The following IMMT variants were observed in gnomAD, a reference collection of about 807,000 sequenced individuals.
The protein encoded by IMMT is MICOS complex subunit MIC60.
Under a neutral mutation model 92.7 loss-of-function variants are expected in IMMT, and 40 were observed. The ratio of observed to expected loss-of-function variants is 0.43; its 90% CI spans 0.34 to 0.56. The LOEUF is 0.56. Among genes scored for constraint, IMMT ranks in the 20% least tolerant of loss-of-function variants. The probability of loss-of-function intolerance (pLI) is 0.03; values close to 1 mark genes in which losing one functional copy is unlikely to be tolerated. For synonymous variants in IMMT, 322 were observed against 336.1 expected (o/e 0.96, Z 0.46); for missense variants, 831 against 912.1 (o/e 0.91, Z 1.14).
intron 12 of IMMT, among the ~76,000 whole-genome samples, chr2:86,148,626 A>G (rs1282674725): frequency 2.0e-5 from 3 of 152,154 alleles, no homozygotes; most frequent in Non-Finnish European, 4.4e-5. Flanking sequence ...AGAAAAAAGA[A>G]AAGAAAATTA....
At chr2:86,165,969 T>G (rs1275356845) in intron 7 of IMMT, among the ~76,000 whole-genome samples, 1 of 152,250 alleles carries the variant, frequency 6.6e-6, no homozygotes, top group Admixed American at 6.5e-5. Flanking sequence ...TTGTAAGATA[T>G]AGTAAAGCAC....
intron 6 of IMMT, 76 bp from the exon 7 acceptor site, chr2:86,166,720 T>A (rs978110360): frequency 7.3e-6 from 10 of 1,368,060 alleles, no homozygotes; most frequent in Admixed American, 2.7e-5. Context: ...TGTTCTCCTA[T>A]CTAGTCTTCC....
At chr2:86,156,464 C>T (rs1675862730) in intron 10 of IMMT, among the ~76,000 whole-genome samples, 1 of 151,792 alleles carries the variant, frequency 6.6e-6, no homozygotes, top group Non-Finnish European at 1.5e-5. Flanking sequence ...TGTGGTGGCA[C>T]ACGCCTGTAG....
Position 86,144,605 on chromosome 2 carries a change from A to G in IMMT, c.1940T>C (p.Met647Thr). 3 of 1,614,004 alleles carry G rather than the reference A, an allele frequency of 1.9e-6. No homozygotes were observed. The highest frequency in any genetic ancestry group is 2.5e-6 in the Non-Finnish European group (3 of 1,179,892). The change falls in exon 15 of 15, where the codon ATG becomes ACG. Residue 647 changes from methionine to threonine, a missense_variant. Transcript: ENST00000410111. ...AVQKLARRVAMIDETRNSLYQ... is the reference protein window; with the variant it reads ...AVQKLARRVATIDETRNSLYQ... ...CAAGCTATTTCTGGTTTCATCAATC[A>G]TTGCTACCCTTCGGGCCAGTTTTTG...
At chr2:86,150,035 T>C (rs1401540563) in intron 12 of IMMT, among the ~76,000 whole-genome samples, 3 of 152,170 alleles carry the variant, frequency 2.0e-5, no homozygotes, top group Non-Finnish European at 2.9e-5. Flanking sequence ...TATGAGTTGA[T>C]GGAGGAACAA....
chr2:86,166,658 A>C lies in IMMT; in HGVS notation c.656-14T>G. The C allele has an allele frequency of 1.3e-6, 2 of 1,578,250 alleles. No homozygotes were observed. The highest frequency in any genetic ancestry group is 1.7e-6 in the Non-Finnish European group (2 of 1,167,476). On this transcript the variant is annotated splice_polypyrimidine_tract_variant and intron_variant, in intron 6 of 14. Transcript: ENST00000410111. ...TCTTGGCTAGAGCTTAAAAAAAAAA[A>C]AGAACAGTTAAAAAACAAATCCTAC...
chr2:86,193,827 T>C (rs1231077627), intron 1 of IMMT, among the ~76,000 whole-genome samples: 3 of 152,224 alleles, frequency 2.0e-5, no homozygotes, highest in Admixed American at 6.5e-5. Context: ...CATTTTTTAT[T>C]ACCAAGTTTT....
At chr2:86,159,794 C>A (rs542128438) in intron 8 of IMMT, 123 bp from the exon 9 acceptor site, 1 of 765,804 alleles carries the variant, frequency 1.3e-6, no homozygotes, top group Non-Finnish European at 1.9e-6. Flanking sequence ...GTGGCTGATA[C>A]CTGTAATCCC....
At chr2:86,170,547 C>A (rs1418228964) in intron 6 of IMMT, among the ~76,000 whole-genome samples, 1 of 152,196 alleles carries the variant, frequency 6.6e-6, no homozygotes, top group East Asian at 1.9e-4. Flanking sequence ...ACCAACTATA[C>A]ACTAAGAATA....
At position 86,147,785 on chromosome 2, in the gene IMMT, G is replaced by A. The variant is rs752917023; in HGVS notation, c.1450C>T (p.Arg484Cys). 19 of 1,613,728 alleles carry A rather than the reference G, an allele frequency of 1.2e-5. No homozygotes were observed. The highest frequency in any genetic ancestry group is 3.3e-5 in the Admixed American group (2 of 59,990). ...TCAGTGTGGGCAGCTGCCTGTCGGC[G>A]AAGCTGGGTTCTCATTTCATTTTCC... is the stretch of plus-strand genomic sequence containing the variant. Reference protein sequence around the residue: ...AMENEMRTQLRRQAAAHTDHL... With the variant: ...AMENEMRTQLCRQAAAHTDHL... Residue 484 changes from arginine (R) to cysteine (C), a missense_variant, in exon 13 of 15, where the codon CGC becomes TGC. Coordinates refer to ENST00000410111, the MANE Select transcript of IMMT (RefSeq NM_006839.3).
chr2:86,170,953 G>A (rs1188534171), intron 5 of IMMT, 109 bp from the exon 6 acceptor site: 1 of 786,944 alleles, frequency 1.3e-6, no homozygotes, highest in Non-Finnish European at 2.0e-6. Context: ...ATCAATGCAG[G>A]GCATTTTTGT....
intron 1 of IMMT, among the ~76,000 whole-genome samples, chr2:86,182,942 T>C (rs1425789008): frequency 2.6e-5 from 4 of 152,082 alleles, no homozygotes; most frequent in African/African-American, 4.8e-5. Context: ...ACCTACCCTG[T>C]AGAATTCCCA....
chr2:86,186,632 G>A (rs1020600672), intron 1 of IMMT, among the ~76,000 whole-genome samples: 12 of 152,198 alleles, frequency 7.9e-5, no homozygotes, highest in Non-Finnish European at 1.5e-4. Flanking sequence ...AACAGTCCCT[G>A]CTGAGGTGTC....
chr2:86,177,805 T>C (rs889639600), intron 3 of IMMT, among the ~76,000 whole-genome samples: 1 of 152,170 alleles, frequency 6.6e-6, no homozygotes, highest in Non-Finnish European at 1.5e-5. Flanking sequence ...GTTTTTATAG[T>C]GTTCTAAGTA....
intron 2 of IMMT, among the ~76,000 whole-genome samples, chr2:86,180,371 T>C (rs941612029): frequency 6.6e-6 from 1 of 151,758 alleles, no homozygotes; most frequent in African/African-American, 2.4e-5. Context: ...GTTCAAGTGA[T>C]TCTCCTGCCT....
Position 86,144,446 on chromosome 2 carries a change from T to A in IMMT, c.2099A>T (p.His700Leu), listed in dbSNP as rs770823699. 6.2e-7 allele frequency: 1 copy of A among 1,614,018 alleles called. No homozygotes were observed. The highest frequency in any genetic ancestry group is 1.7e-5 in the Admixed American group (1 of 60,016). Residue 700 changes from histidine (H) to leucine (L), a missense_variant, in exon 15 of 15, where the codon CAT (histidine) becomes CTT (leucine). Physicochemically the swap from His to Leu is moderately conservative, Grantham distance 99. Coordinates refer to ENST00000410111, the MANE Select transcript of IMMT (RefSeq NM_006839.3). ...LLSYASYCIE[H>L]GDLELAAKFV... is the part of the protein sequence containing the mutation. Reference sequence around the variant, plus strand: ...CTTTGCTGCTAGCTCCAGATCACCATGCTCAATGCAATAGGAAGCATATGA... The same window carrying A: ...CTTTGCTGCTAGCTCCAGATCACCAAGCTCAATGCAATAGGAAGCATATGA...
intron 12 of IMMT, among the ~76,000 whole-genome samples, chr2:86,148,657 G>C (rs1675233411): frequency 6.6e-6 from 1 of 151,970 alleles, no homozygotes; most frequent in Non-Finnish European, 1.5e-5. Flanking sequence ...GGTAGTTATT[G>C]ACATAGACTT....
At chr2:86,145,340 C>T (rs149495740) in intron 14 of IMMT, among the ~76,000 whole-genome samples, 2 of 151,732 alleles carry the variant, frequency 1.3e-5, no homozygotes, top group Non-Finnish European at 2.9e-5. Context: ...ACTAAAAATA[C>T]AAAACCTAGC....
At chr2:86,148,654 ATTGACATAGAC>A (rs1348266534) in intron 12 of IMMT, among the ~76,000 whole-genome samples, 4 of 152,140 alleles carry the variant, frequency 2.6e-5, no homozygotes, top group Non-Finnish European at 5.9e-5. Flanking sequence ...TCTGGTAGTT[ATTGACATAGAC>A]TTGACATAGA....
Sources: gnomAD v4.1 joint callset for allele counts (sites outside exome capture counted in the v4.1 genomes callset) on GRCh38, gnomAD v4.1.1 for gene constraint, MANE v1.5 for transcripts, NCBI Gene and HGNC (gene_info 2026-07-23, HGNC 2026-07-21) for gene names.